DAB1: variants seen among roughly 807,000 people sequenced by gnomAD.
The protein encoded by DAB1 is DAB adaptor protein 1.
In DAB1, 15 loss-of-function variants were observed where a neutral mutation model predicts 64.6. The ratio of observed to expected loss-of-function variants is 0.23; its 90% CI spans 0.16 to 0.36. The LOEUF (loss-of-function observed/expected upper bound fraction) is 0.36, where lower values mean the gene tolerates loss of function less well. Among genes scored for constraint, DAB1 ranks in the 10% least tolerant of loss-of-function variants. The probability of loss-of-function intolerance (pLI) is 1.00; values close to 1 mark genes in which losing one functional copy is unlikely to be tolerated. For synonymous variants in DAB1, 235 were observed against 251.9 expected, an observed-to-expected ratio of 0.93 and a Z score of 0.64; for missense variants, 596 against 706.7, an observed-to-expected ratio of 0.84 and a Z score of 1.78.
intron 2 of DAB1, among the ~76,000 whole-genome samples, chr1:58,523,950 T>C (rs920200900): frequency 6.6e-6 from 1 of 152,168 alleles, no homozygotes; most frequent in African/African-American, 2.4e-5. Flanking sequence ...AATTCTTAAC[T>C]TTAGGAACAA....
intron 6 of DAB1, among the ~76,000 whole-genome samples, chr1:57,782,302 T>C (rs1300908417): frequency 6.6e-6 from 1 of 152,152 alleles, no homozygotes; most frequent in African/African-American, 2.4e-5. Context: ...ATTTTACAGA[T>C]GAAGAATATG....
intron 2 of DAB1, among the ~76,000 whole-genome samples, chr1:57,248,379 TC>T (rs561604774): frequency 7.4e-4 from 112 of 152,272 alleles, no homozygotes; most frequent in Non-Finnish European, 6.9e-4. Flanking sequence ...CCATAATTAC[TC>T]TAACATAACT....
At chr1:57,698,078 C>G (rs1046582971) in intron 6 of DAB1, among the ~76,000 whole-genome samples, 1 of 151,656 alleles carries the variant, frequency 6.6e-6, no homozygotes, top group Non-Finnish European at 1.5e-5. Context: ...TTCTGCCTGA[C>G]AAACTTGTCC....
At chr1:57,985,926 T>C (rs1420667469) in intron 5 of DAB1, among the ~76,000 whole-genome samples, 3 of 152,298 alleles carry the variant, frequency 2.0e-5, no homozygotes, top group Admixed American at 2.0e-4. Context: ...TCTATCAGGA[T>C]GTTTTATCCT....
chr1:58,335,785 C>T (rs930389199), intron 4 of DAB1, among the ~76,000 whole-genome samples: 2 of 152,132 alleles, frequency 1.3e-5, no homozygotes, highest in African/African-American at 4.8e-5. Context: ...TGGATTACTC[C>T]TATTCTGGCC....
In DAB1 at chr1:57,605,309, G is replaced by A. The variant is rs143737642; in HGVS notation, n.625+44283C>T. 8.5e-4 allele frequency among the ~76,000 whole-genome samples: 130 copies of A among 152,284 alleles called. No homozygotes were observed. In the East Asian group the frequency reaches 0.024, roughly 28 times the overall value. ...ATCTCCACATTCTTCTAGGGTGTTG[G>A]TGTTGCTTGTAGCAGGTGTTCAGTA... On this transcript the variant is annotated intron_variant and non_coding_transcript_variant, in intron 7 of 20. Transcript: ENST00000485760.
chr1:58,282,433 G>A (rs1337929089), intron 4 of DAB1, among the ~76,000 whole-genome samples: 1 of 152,010 alleles, frequency 6.6e-6, no homozygotes, highest in African/African-American at 2.4e-5. Flanking sequence ...CTTTCCCTAT[G>A]CCCTCTCATT....
chr1:57,267,170 C>T (rs1204195954), intron 2 of DAB1, among the ~76,000 whole-genome samples: 2 of 151,788 alleles, frequency 1.3e-5, no homozygotes, highest in African/African-American at 2.4e-5. Flanking sequence ...ATAGAGAAGG[C>T]TACGTGAAGG....
chr1:58,204,852 T>C (rs1212243184), intron 4 of DAB1, among the ~76,000 whole-genome samples: 1 of 152,120 alleles, frequency 6.6e-6, no homozygotes, highest in Non-Finnish European at 1.5e-5. Context: ...AACAGAGAAG[T>C]TGAACATAAG....
rs527465933 is a variant in DAB1 at position 57,941,723 on chromosome 1, T to C, written n.388-57561A>G. ...GGTGGTGGGTGCCTGTAATCCCAGCTACTCGGGAGGCTGAGGCAAGAGAAT... is the reference window on the plus strand; with the variant it reads ...GGTGGTGGGTGCCTGTAATCCCAGCCACTCGGGAGGCTGAGGCAAGAGAAT... On this transcript the variant is annotated intron_variant and non_coding_transcript_variant, in intron 5 of 20. Transcript: ENST00000485760. Among the ~76,000 whole-genome samples the C allele has an allele frequency of 9.2e-3, 1,405 of 152,206 alleles. 8 individuals are homozygous for C. The highest frequency in any genetic ancestry group is 0.024 in the South Asian group (114 of 4,820).
At chr1:57,359,649 A>G (rs533016061) in intron 1 of DAB1, among the ~76,000 whole-genome samples, 1 of 152,152 alleles carries the variant, frequency 6.6e-6, no homozygotes, top group African/African-American at 2.4e-5. Context: ...CCATGTTTAT[A>G]GCAATACATT....
chr1:58,252,284 T>C (rs1660821167), intron 4 of DAB1, among the ~76,000 whole-genome samples: 1 of 152,204 alleles, frequency 6.6e-6, no homozygotes, highest in Non-Finnish European at 1.5e-5. Context: ...TCTGGGATGC[T>C]TGCATTAGTA....
intron 3 of DAB1, among the ~76,000 whole-genome samples, chr1:58,466,736 A>G (rs1645300355): frequency 6.6e-6 from 1 of 152,106 alleles, no homozygotes; most frequent in Admixed American, 6.5e-5. Context: ...AAGCCTTGAC[A>G]TTCTACACGG....
rs1293372128 is a variant in DAB1, at chr1:58,021,063, G to A, written n.387+129448C>T. Among the ~76,000 whole-genome samples, 5 of 152,166 alleles carry A rather than the reference G, an allele frequency of 3.3e-5. No individual in the cohort carries two copies. In the East Asian group the frequency reaches 9.7e-4, roughly 29 times the overall value. The stretch of plus-strand genomic sequence containing the variant: ...TGGACCCTGCTAGTTCTCAAATTAT[G>A]TCAACCAATGAAAGCAAGTGTTGCA... On this transcript the variant is annotated intron_variant and non_coding_transcript_variant, in intron 5 of 20. Transcript: ENST00000485760.
chr1:57,255,422 G>A (rs1434814528), intron 2 of DAB1, among the ~76,000 whole-genome samples: 1 of 152,200 alleles, frequency 6.6e-6, no homozygotes, highest in Non-Finnish European at 1.5e-5. Context: ...AACAATTTGG[G>A]AGGCTGAGGC....
chr1:58,249,476 A>C (rs1364779997), intron 4 of DAB1, among the ~76,000 whole-genome samples: 1 of 152,060 alleles, frequency 6.6e-6, no homozygotes. Context: ...AGCCAAGCTG[A>C]GAGGGCAGAA....
intron 2 of DAB1, among the ~76,000 whole-genome samples, chr1:58,516,309 T>C (rs547111322): frequency 6.6e-6 from 1 of 152,220 alleles, no homozygotes; most frequent in Admixed American, 6.5e-5. Flanking sequence ...ACTGATAGTT[T>C]AGTTGCTTGT....
At chr1:58,267,979 T>C (rs1252770991) in intron 4 of DAB1, among the ~76,000 whole-genome samples, 1 of 152,180 alleles carries the variant, frequency 6.6e-6, no homozygotes, top group East Asian at 1.9e-4. Flanking sequence ...TACTCACACT[T>C]AACTAGATTC....
At chr1:57,308,952 C>T (rs1379079044) in intron 1 of DAB1, among the ~76,000 whole-genome samples, 1 of 152,160 alleles carries the variant, frequency 6.6e-6, no homozygotes, top group African/African-American at 2.4e-5. Context: ...CTAGAGCAAG[C>T]TTGTCCAACC....
Sources: allele counts gnomAD v4.1 joint callset (sites outside exome capture counted in the v4.1 genomes callset), GRCh38; gene constraint gnomAD v4.1.1; transcripts MANE v1.5; gene names NCBI Gene and HGNC (gene_info 2026-07-23, HGNC 2026-07-21).